Variants in GLRA3 observed in about 807,000 individuals in gnomAD.
The protein encoded by GLRA3 is glycine receptor subunit alpha-3.
In GLRA3, 44 loss-of-function variants were observed where a neutral mutation model predicts 60.4. The ratio of observed to expected loss-of-function variants is 0.73; its 90% CI spans 0.57 to 0.94. The LOEUF is 0.94. GLRA3 is among the 40% of genes least tolerant of loss of function. GLRA3 has a pLI of 0.00. For missense variants in GLRA3, 508 were observed against 564.6 expected (o/e 0.90, Z 1.02); for synonymous variants, 223 against 192.9 (o/e 1.16, Z -1.29).
Position 174,677,291 on chromosome 4 carries a change from T to A in GLRA3, c.714A>T (p.Gly238=), listed in dbSNP as rs775660210. 14 of 1,578,990 alleles carry A rather than the reference T, an allele frequency of 8.9e-6. No individual in the cohort carries two copies. The highest frequency in any genetic ancestry group is 1.2e-5 in the Non-Finnish European group (14 of 1,149,366). ...LRYCTKHYNT[G]KFTCIEVRFH... is the part of the protein sequence containing the mutation. ...ATCGCACTTCTATACACGTAAACTTTCCTAATTGGTGGTAAGGTAAATACA... is the reference window on the plus strand; with the variant it reads ...ATCGCACTTCTATACACGTAAACTTACCTAATTGGTGGTAAGGTAAATACA... The change falls in exon 7 of 10, where the codon GGA becomes GGT. Residue 238 remains glycine, a splice_region_variant and synonymous_variant. Transcript: ENST00000274093.
chr4:174,638,082 T>C lies in GLRA3; in HGVS notation c.*5704A>G, dbSNP rs1732541342. 1 of 151,586 alleles carries C rather than the reference T, an allele frequency of 6.6e-6. No individual in the cohort carries two copies. Among genetic ancestry groups the C allele is most frequent in the Non-Finnish European group, 1.5e-5 (1 of 67,996 alleles). 9.4% of individuals were successfully genotyped at this position (151,586 alleles called of 1,614,324 possible). The stretch of plus-strand genomic sequence containing the variant: ...GAGGGGAATAAACTTACTTGGTATT[T>C]TAGGAAGTAAAAGTCATTTCTTGAT... On this transcript the variant is annotated 3_prime_UTR_variant, in exon 10 of 10. Transcript: ENST00000274093.
At chr4:174,645,646 T>A (rs1161675464) in intron 9 of GLRA3, among the ~76,000 whole-genome samples, 2 of 152,132 alleles carry the variant, frequency 1.3e-5, no homozygotes, top group African/African-American at 4.8e-5. Flanking sequence ...TGGAAAATAT[T>A]TCAACTGTAA....
chr4:174,798,695 C>T (rs374436310), intron 1 of GLRA3, among the ~76,000 whole-genome samples: 27 of 152,250 alleles, frequency 1.8e-4, no homozygotes, highest in African/African-American at 3.4e-4. Flanking sequence ...GAGGCCAAGG[C>T]GGGCGGATCA....
chr4:174,696,005 A>G (rs571558928), intron 5 of GLRA3, among the ~76,000 whole-genome samples: 14 of 152,210 alleles, frequency 9.2e-5, no homozygotes, highest in South Asian at 6.2e-4. Context: ...ACAAAATAAT[A>G]AAATAATAAA....
intron 5 of GLRA3, among the ~76,000 whole-genome samples, chr4:174,713,935 T>G (rs141651659): frequency 6.6e-6 from 1 of 152,302 alleles, no homozygotes; most frequent in South Asian, 2.1e-4. Flanking sequence ...CCATCAACAT[T>G]TGCTTCTCAT....
chr4:174,800,633 A>G (rs2111340204), intron 1 of GLRA3, among the ~76,000 whole-genome samples: 1 of 152,016 alleles, frequency 6.6e-6, no homozygotes, highest in Non-Finnish European at 1.5e-5. Context: ...TCTTTACTCT[A>G]TCACTTGTCT....
intron 4 of GLRA3, 34 bp downstream of exon 4, chr4:174,728,441 T>C: frequency 8.7e-7 from 1 of 1,145,682 alleles, no homozygotes; most frequent in Non-Finnish European, 1.3e-6. Context: ...ATATTCTATT[T>C]CACTGAAATC....
At chr4:174,697,199 T>C (rs1471472635) in intron 5 of GLRA3, among the ~76,000 whole-genome samples, 1 of 152,220 alleles carries the variant, frequency 6.6e-6, no homozygotes, top group Non-Finnish European at 1.5e-5. Context: ...TTTAAAGATT[T>C]ACTAATAAAT....
At chr4:174,683,591 T>G (rs1175654133) in intron 5 of GLRA3, among the ~76,000 whole-genome samples, 1 of 152,168 alleles carries the variant, frequency 6.6e-6, no homozygotes, top group Non-Finnish European at 1.5e-5. Context: ...CCTCATGATC[T>G]GCCTGCCTTG....
intron 2 of GLRA3, 55 bp from the exon 3 acceptor site, chr4:174,767,085 C>G (rs1272565207): frequency 2.3e-6 from 2 of 857,982 alleles, no homozygotes; most frequent in Admixed American, 1.8e-5. Flanking sequence ...AAAACATTTT[C>G]AAATAATTCC....
intron 3 of GLRA3, among the ~76,000 whole-genome samples, chr4:174,759,622 A>C (rs2111218361): frequency 6.6e-6 from 1 of 152,270 alleles, no homozygotes; most frequent in East Asian, 1.9e-4. Flanking sequence ...TACTTTAAAC[A>C]GAATTTTTAA....
chr4:174,707,577 G>T (rs1735563322), intron 5 of GLRA3, among the ~76,000 whole-genome samples: 1 of 152,140 alleles, frequency 6.6e-6, no homozygotes, highest in Non-Finnish European at 1.5e-5. Flanking sequence ...TACATGGAAA[G>T]ACGTCTAGGG....
intron 1 of GLRA3, among the ~76,000 whole-genome samples, chr4:174,804,992 G>A (rs1209584670): frequency 3.9e-5 from 6 of 152,254 alleles, no homozygotes; most frequent in South Asian, 2.1e-4. Flanking sequence ...TGGAGCCTTC[G>A]TGTTGAACAT....
At chr4:174,754,787 A>C (rs542479739) in intron 3 of GLRA3, among the ~76,000 whole-genome samples, 33 of 152,262 alleles carry the variant, frequency 2.2e-4, no homozygotes, top group African/African-American at 7.5e-4. Context: ...CCTGTTTATG[A>C]AATAGTTGCA....
At chr4:174,701,959 T>C (rs913963839) in intron 5 of GLRA3, among the ~76,000 whole-genome samples, 3 of 152,206 alleles carry the variant, frequency 2.0e-5, no homozygotes, top group Admixed American at 6.5e-5. Flanking sequence ...CCGTGAACAT[T>C]GTTGAAATGA....
chr4:174,703,601 C>T (rs1579474598), intron 5 of GLRA3, among the ~76,000 whole-genome samples: 1 of 152,180 alleles, frequency 6.6e-6, no homozygotes, highest in East Asian at 1.9e-4. Flanking sequence ...TACAGATATT[C>T]CATGGTTTTC....
At chr4:174,688,835 T>C (rs185510346) in intron 5 of GLRA3, among the ~76,000 whole-genome samples, 180 of 152,180 alleles carry the variant, frequency 1.2e-3, no homozygotes, top group Non-Finnish European at 2.2e-3. Context: ...AGGGAATATG[T>C]AAATGAAGAG....
At position 174,670,885 on chromosome 4, in the gene GLRA3, T is replaced by C. The variant is rs553003898; in HGVS notation, c.927+6193A>G. 5.9e-5 allele frequency among the ~76,000 whole-genome samples: 9 copies of C among 152,280 alleles called. No individual in the cohort carries two copies. The South Asian group carries it at 1.0e-3, about 18-fold the overall frequency. ...AGAATCCACCCATTTTTAGGACTTT[T>C]TTATTTACAAAACAGATAATTTTTT... On this transcript the variant is annotated intron_variant, in intron 7 of 9. Coordinates refer to ENST00000274093, the MANE Select transcript of GLRA3 (RefSeq NM_006529.4).
intron 8 of GLRA3, among the ~76,000 whole-genome samples, chr4:174,658,686 A>G (rs528976141): frequency 1.3e-5 from 2 of 152,346 alleles, no homozygotes; most frequent in African/African-American, 4.8e-5. Context: ...TGACAAAGGA[A>G]CATGAATAAT....
Sources: allele counts gnomAD v4.1 joint callset (sites outside exome capture counted in the v4.1 genomes callset), GRCh38; gene constraint gnomAD v4.1.1; transcripts MANE v1.5; gene names NCBI Gene and HGNC (gene_info 2026-07-23, HGNC 2026-07-21).